Variants in JAK2 observed in about 807,000 individuals in gnomAD.
JAK2 encodes Janus kinase 2.
In JAK2, 86 loss-of-function variants were observed where a neutral mutation model predicts 139.3. That is an observed-to-expected ratio of 0.62 (90% CI 0.52 to 0.74). The LOEUF is 0.74. Among genes scored for constraint, JAK2 ranks in the 30% least tolerant of loss-of-function variants. The pLI is 0.00. For missense variants in JAK2, 1,421 were observed against 1,360.3 expected (o/e 1.04, Z -0.70); for synonymous variants, 490 against 437.7 (o/e 1.12, Z -1.49).
rs2130545794 is a variant in JAK2 at position 5,072,477 on chromosome 9, CT to C, written c.1642-10del. The C allele has an allele frequency of 4.6e-6, 7 of 1,505,740 alleles. No individual in the cohort carries two copies. Among genetic ancestry groups the C allele is most frequent in the South Asian group, 4.1e-5 (3 of 72,796 alleles). The allele number at this position is 1,505,740 out of a possible 1,614,324, so 93.3% of individuals were successfully genotyped here. A position where few individuals can be genotyped will look rare whatever the true frequency, so the allele number is the denominator to read the frequency against. Reference sequence around the variant, plus strand: ...ATCTTTACTCATTCTTTTCTTTTACCTTTTTCTCTTGAAGAATGAAAGCCTT... The same window carrying C: ...ATCTTTACTCATTCTTTTCTTTTACCTTTTCTCTTGAAGAATGAAAGCCTT... On this transcript the variant is annotated splice_polypyrimidine_tract_variant and intron_variant, in intron 12 of 24. Transcript: ENST00000381652.
chr9:4,997,851 T>C (rs554631131), intron 2 of JAK2, among the ~76,000 whole-genome samples: 1 of 152,342 alleles, frequency 6.6e-6, no homozygotes, highest in African/African-American at 2.4e-5. Context: ...CTTCAGTGTC[T>C]GCAGAATTGT....
Position 5,090,725 on chromosome 9 carries a change from T to C in JAK2, c.2887-14T>C. 6.4e-7 allele frequency: 1 copy of C among 1,571,620 alleles called. No homozygotes were observed. Among genetic ancestry groups the C allele is most frequent in the Non-Finnish European group, 8.6e-7 (1 of 1,165,536 alleles). ...TTTATAAAACTAGCTGAAAGAAAAA[T>C]GTTTTATCCATAGGGTATGGAGTAT... On this transcript the variant is annotated splice_polypyrimidine_tract_variant and intron_variant, in intron 21 of 24. Coordinates refer to ENST00000381652, the MANE Select transcript of JAK2 (RefSeq NM_004972.4).
At position 5,129,688 on chromosome 9, in the gene JAK2, A is replaced by G. The variant is rs1459803150; in HGVS notation, c.*2897A>G. Among the ~76,000 whole-genome samples the G allele has an allele frequency of 6.6e-6, 1 of 152,122 alleles. No homozygotes were observed. Among genetic ancestry groups the G allele is most frequent in the African/African-American group, 2.4e-5 (1 of 41,454 alleles). On this transcript the variant is annotated 3_prime_UTR_variant, in exon 25 of 25. Coordinates refer to ENST00000381652, the MANE Select transcript of JAK2 (RefSeq NM_004972.4). The stretch of plus-strand genomic sequence containing the variant: ...TACTGTGTGTTTACTCTCAGATTTT[A>G]GTTGGTTGGATTTAATATCAAGATA...
chr9:5,118,514 T>C (rs1273380015), intron 22 of JAK2, among the ~76,000 whole-genome samples: 1 of 152,240 alleles, frequency 6.6e-6, no homozygotes, highest in Non-Finnish European at 1.5e-5. Flanking sequence ...ATAACAAATT[T>C]GGATAATTGC....
intron 4 of JAK2, among the ~76,000 whole-genome samples, chr9:5,043,145 A>G (rs1372116196): frequency 1.3e-5 from 2 of 152,176 alleles, no homozygotes; most frequent in African/African-American, 2.4e-5. Flanking sequence ...GTGTATGTGC[A>G]GGGGGGTCTG....
chr9:5,047,942 G>T (rs1248300164), intron 5 of JAK2, among the ~76,000 whole-genome samples: 1 of 151,956 alleles, frequency 6.6e-6, no homozygotes, highest in Non-Finnish European at 1.5e-5. Context: ...ATTTCTGAGG[G>T]TACATACTAT....
intron 4 of JAK2, among the ~76,000 whole-genome samples, chr9:5,034,910 G>T (rs879351514): frequency 1.3e-5 from 2 of 152,168 alleles, no homozygotes; most frequent in Non-Finnish European, 2.9e-5. Context: ...AGGACATAGA[G>T]AGACAAAAAA....
intron 2 of JAK2, among the ~76,000 whole-genome samples, chr9:5,007,648 C>T (rs2129919861): frequency 6.6e-6 from 1 of 151,778 alleles, no homozygotes; most frequent in South Asian, 2.1e-4. Flanking sequence ...GCGTTTTTTA[C>T]TCATACTTTA....
At chr9:4,994,943 C>CGTGTGT (rs368477952) in intron 2 of JAK2, among the ~76,000 whole-genome samples, 20 of 151,002 alleles carry the variant, frequency 1.3e-4, no homozygotes, top group African/African-American at 4.6e-4. Flanking sequence ...TTTGTCAGGG[C>CGTGTGT]GTGTGTGTGT....
At chr9:5,011,312 A>G (rs1821686616) in intron 2 of JAK2, among the ~76,000 whole-genome samples, 2 of 152,106 alleles carry the variant, frequency 1.3e-5, no homozygotes, top group Non-Finnish European at 2.9e-5. Context: ...CAGCCTCCCA[A>G]GTAGCTGGGA....
chr9:4,998,401 C>CAT (rs1820715464), intron 2 of JAK2, among the ~76,000 whole-genome samples: 1 of 151,862 alleles, frequency 6.6e-6, no homozygotes, highest in Non-Finnish European at 1.5e-5. Context: ...GGATTATAGG[C>CAT]GCGCACCACC....
chr9:4,991,456 G>T (rs1820240736), intron 2 of JAK2, among the ~76,000 whole-genome samples: 1 of 152,170 alleles, frequency 6.6e-6, no homozygotes, highest in Non-Finnish European at 1.5e-5. Flanking sequence ...GCCATGTGAT[G>T]TGAGTAAGTG....
intron 22 of JAK2, among the ~76,000 whole-genome samples, chr9:5,092,614 A>G (rs1820673516): frequency 6.6e-6 from 1 of 152,212 alleles, no homozygotes; most frequent in African/African-American, 2.4e-5. Context: ...AGATGAAAGA[A>G]CTGAGCAAAG....
rs1276593502 is a variant in JAK2, at chr9:5,065,019, G to T, written c.1193G>T (p.Ser398Ile). 2 of 1,596,944 alleles carry T rather than the reference G, an allele frequency of 1.3e-6. No individual in the cohort carries two copies. Among genetic ancestry groups the T allele is most frequent in the East Asian group, 4.5e-5 (2 of 44,212 alleles). Reference protein sequence around the residue: ...APPAVLENIQSNCHGPISMDF... With the variant: ...APPAVLENIQINCHGPISMDF... ...CCAGCCGTGCTTGAAAATATACAAA[G>T]CAACTGTCATGGCCCAATTTCGTGA... The change falls in exon 9 of 25, where the codon AGC becomes ATC. Residue 398 changes from serine to isoleucine, a missense_variant. Coordinates refer to ENST00000381652, the MANE Select transcript of JAK2 (RefSeq NM_004972.4).
At chr9:5,089,605 A>G (rs1185540846) in intron 19 of JAK2, 69 bp from the exon 20 acceptor site, 1 of 644,228 alleles carries the variant, frequency 1.6e-6, no homozygotes, top group Admixed American at 3.4e-5. Context: ...TTTCTATATA[A>G]TTATAAAATT....
At chr9:5,087,777 C>T (rs1339249057) in intron 19 of JAK2, among the ~76,000 whole-genome samples, 2 of 141,246 alleles carry the variant, frequency 1.4e-5, no homozygotes, top group Non-Finnish European at 2.9e-5. Context: ...TTGAAATGTT[C>T]TTATCTTTTG....
chr9:5,057,983 A>G (rs1817885148), intron 8 of JAK2, among the ~76,000 whole-genome samples: 1 of 152,134 alleles, frequency 6.6e-6, no homozygotes, highest in Admixed American at 6.5e-5. Flanking sequence ...AGTTAGTATA[A>G]TATACTCAAG....
At chr9:5,102,995 A>G (rs1821633410) in intron 22 of JAK2, among the ~76,000 whole-genome samples, 1 of 152,108 alleles carries the variant, frequency 6.6e-6, no homozygotes, top group African/African-American at 2.4e-5. Context: ...ACTAACGGGC[A>G]AAATAACCAG....
At chr9:5,008,703 T>C (rs892550456) in intron 2 of JAK2, among the ~76,000 whole-genome samples, 1 of 152,222 alleles carries the variant, frequency 6.6e-6, no homozygotes, top group Non-Finnish European at 1.5e-5. Flanking sequence ...TTGATTTGTA[T>C]CGGTACAGTT....
Sources: gnomAD v4.1 joint callset for allele counts (sites outside exome capture counted in the v4.1 genomes callset) on GRCh38, gnomAD v4.1.1 for gene constraint, MANE v1.5 for transcripts, NCBI Gene and HGNC (gene_info 2026-07-23, HGNC 2026-07-21) for gene names.